SATB1: variants seen among roughly 807,000 people sequenced by gnomAD.
The protein encoded by SATB1 is DNA-binding protein SATB1.
In SATB1, 11 loss-of-function variants were observed where a neutral mutation model predicts 86.9. The ratio of observed to expected loss-of-function variants is 0.13; its 90% CI spans 0.08 to 0.21. SATB1 has a LOEUF of 0.21. Among genes scored for constraint, SATB1 ranks in the 10% least tolerant of loss-of-function variants. The pLI, the probability that SATB1 is intolerant of heterozygous loss-of-function variation, is 1.00. For synonymous variants in SATB1, 357 were observed against 357.2 expected (o/e 1.00, Z 0.01); for missense variants, 551 against 937.6 (o/e 0.59, Z 5.39).
intron 9 of SATB1, among the ~76,000 whole-genome samples, chr3:18,356,597 T>A (rs560130235): frequency 6.6e-6 from 1 of 151,992 alleles, no homozygotes; most frequent in Admixed American, 6.5e-5. Flanking sequence ...TCTAATGATG[T>A]GCTTTACTGA....
chr3:18,369,578 A>G (rs1430563278), intron 9 of SATB1, among the ~76,000 whole-genome samples: 2 of 152,132 alleles, frequency 1.3e-5, no homozygotes, highest in African/African-American at 4.8e-5. Context: ...TAGTTACACC[A>G]CATGTGGTTT....
At chr3:18,384,914 C>A (rs1358185568) in intron 8 of SATB1, among the ~76,000 whole-genome samples, 1 of 152,100 alleles carries the variant, frequency 6.6e-6, no homozygotes, top group Non-Finnish European at 1.5e-5. Flanking sequence ...TTTTTATTCA[C>A]AATTATAGCA....
chr3:18,402,981 T>C (rs1697347806), intron 5 of SATB1, among the ~76,000 whole-genome samples: 1 of 152,116 alleles, frequency 6.6e-6, no homozygotes, highest in Non-Finnish European at 1.5e-5. Context: ...ACACCCAAGA[T>C]GATTTTTTTC....
In SATB1 at chr3:18,349,719, T is replaced by C. The variant is rs551228511; in HGVS notation, c.1780-37A>G. 2 of 1,552,526 alleles carry C rather than the reference T, an allele frequency of 1.3e-6. No homozygotes were observed. Among genetic ancestry groups the C allele is most frequent in the East Asian group, 4.8e-5 (2 of 41,654 alleles). ...CAAGGAGACAATCAGAGCTCTGCTA[T>C]CGTGGAGTTCCACACAAAGCCGTCT... is the stretch of plus-strand genomic sequence containing the variant. On this transcript the variant is annotated intron_variant, in intron 10 of 10. Transcript: ENST00000338745. This position sits in a 1 kb window ranked among gnomAD's most constrained non-coding sequence, Gnocchi z 5.5.
At chr3:18,411,995 C>T (rs563381103) in intron 5 of SATB1, among the ~76,000 whole-genome samples, 6 of 150,308 alleles carry the variant, frequency 4.0e-5, no homozygotes, top group East Asian at 2.0e-4. Context: ...TTTTTTGAAA[C>T]GGAGTCTCGT....
chr3:18,406,911 G>C (rs1275016535), intron 5 of SATB1, among the ~76,000 whole-genome samples: 2 of 152,038 alleles, frequency 1.3e-5, no homozygotes, highest in Admixed American at 1.3e-4. Context: ...AATCCTACAA[G>C]ATTGTTTAAG....
At chr3:18,354,731 C>G (rs1034179950) in intron 9 of SATB1, among the ~76,000 whole-genome samples, 2 of 152,158 alleles carry the variant, frequency 1.3e-5, no homozygotes, top group Admixed American at 1.3e-4. Context: ...ACATGTGGAT[C>G]ACAGATGTTC....
At chr3:18,350,858 C>G (rs751927748) in intron 10 of SATB1, 21 of 218,908 alleles carry the variant, frequency 9.6e-5, no homozygotes, top group Non-Finnish European at 3.7e-5. Flanking sequence ...TATACACACA[C>G]GCACACACAT....
chr3:18,369,811 G>T (rs573502165), intron 9 of SATB1, among the ~76,000 whole-genome samples: 1 of 152,286 alleles, frequency 6.6e-6, no homozygotes, highest in East Asian at 1.9e-4. Context: ...GCTGGTAGCG[G>T]CAGTTAAATT....
At chr3:18,411,529 T>C (rs910573837) in intron 5 of SATB1, among the ~76,000 whole-genome samples, 1 of 152,030 alleles carries the variant, frequency 6.6e-6, no homozygotes. Context: ...AATGTTAATG[T>C]TTTATTATAA....
chr3:18,390,367 A>G (rs1696594518), intron 7 of SATB1, among the ~76,000 whole-genome samples: 1 of 152,158 alleles, frequency 6.6e-6, no homozygotes, highest in Admixed American at 6.5e-5. Context: ...TTGTTTGGTG[A>G]ATTTTTAATC....
At chr3:18,441,263 A>C (rs896330540), upstream of SATB1, among the ~76,000 whole-genome samples, 1 of 152,088 alleles carries the variant, frequency 6.6e-6, no homozygotes, top group Non-Finnish European at 1.5e-5. Flanking sequence ...ATAGCAACTA[A>C]TTTTCTTTTT....
intron 9 of SATB1, among the ~76,000 whole-genome samples, chr3:18,374,422 G>A (rs1448025848): frequency 2.0e-5 from 3 of 152,114 alleles, no homozygotes; most frequent in Non-Finnish European, 4.4e-5. Context: ...CAGACTAAAT[G>A]TTTGATAAAA....
At chr3:18,420,686 C>T in intron 2 of SATB1, 71 bp downstream of exon 2, 1 of 1,220,088 alleles carries the variant, frequency 8.2e-7, no homozygotes, top group Non-Finnish European at 1.2e-6. Flanking sequence ...GCCACTCCAC[C>T]CCCACACAGT....
chr3:18,413,453 G>T (rs1224415898), intron 5 of SATB1, among the ~76,000 whole-genome samples: 1 of 152,012 alleles, frequency 6.6e-6, no homozygotes, highest in South Asian at 2.1e-4. Flanking sequence ...TTCCAGTACT[G>T]GGTGTTTACA....
intron 7 of SATB1, among the ~76,000 whole-genome samples, chr3:18,392,894 T>C (rs1023786836): frequency 3.3e-5 from 5 of 149,566 alleles, no homozygotes; most frequent in African/African-American, 4.9e-5. Context: ...TATAAAGATA[T>C]AGAACTAGGT....
rs528731853 is a variant in SATB1 at position 18,424,134 on chromosome 3, A to G, written c.-532T>C. The G allele has an allele frequency of 6.6e-6, 1 of 151,958 alleles. No homozygotes were observed. The highest frequency in any genetic ancestry group is 2.4e-5 in the African/African-American group (1 of 41,270). 9.4% of individuals were successfully genotyped at this position (151,958 alleles called of 1,614,324 possible). ...TGAGGATTCTCTTAAAAAAAAAAAA[A>G]TCACTGCGGACAAGGTCTCCAAAAA... is the stretch of plus-strand genomic sequence containing the variant. On this transcript the variant is annotated 5_prime_UTR_variant, in exon 1 of 11. Coordinates refer to ENST00000338745, the MANE Select transcript of SATB1 (RefSeq NM_002971.6).
At chr3:18,428,685 A>G (rs1019690034), upstream of SATB1, among the ~76,000 whole-genome samples, 3 of 152,234 alleles carry the variant, frequency 2.0e-5, no homozygotes, top group African/African-American at 7.2e-5. Flanking sequence ...TGAACTATTT[A>G]ACATGTGGAT....
intron 8 of SATB1, among the ~76,000 whole-genome samples, chr3:18,379,338 G>A (rs771930946): frequency 5.3e-5 from 8 of 152,008 alleles, no homozygotes; most frequent in African/African-American, 9.7e-5. Context: ...TTTTTTACTG[G>A]GAAACTGATG....
Sources: allele counts gnomAD v4.1 joint callset (sites outside exome capture counted in the v4.1 genomes callset), GRCh38; gene constraint gnomAD v4.1.1; non-coding constraint Gnocchi (gnomAD v3.1); transcripts MANE v1.5; gene names NCBI Gene and HGNC (gene_info 2026-07-23, HGNC 2026-07-21).